The following EARS2 variants were observed in gnomAD, a reference collection of about 807,000 sequenced individuals.
The protein encoded by EARS2 is glutamyl-tRNA synthetase 2, mitochondrial.
Under a neutral mutation model 54.1 loss-of-function variants are expected in EARS2, and 50 were observed. The ratio of observed to expected loss-of-function variants is 0.92; its 90% CI spans 0.74 to 1.17. The LOEUF (loss-of-function observed/expected upper bound fraction) is 1.17, where lower values mean the gene tolerates loss of function less well. EARS2 is among the 50% of genes most tolerant of loss of function. The probability of loss-of-function intolerance (pLI) is 0.00; values close to 1 mark genes in which losing one functional copy is unlikely to be tolerated. For missense variants in EARS2, 673 were observed against 675.0 expected (o/e 1.00, Z 0.03); for synonymous variants, 298 against 281.0 (o/e 1.06, Z -0.61).
chr16:23,557,368 C>G (rs970957750), upstream of EARS2: 1 of 1,537,004 alleles, frequency 6.5e-7, no homozygotes, highest in Admixed American at 2.0e-5. Flanking sequence ...CACACGTGGG[C>G]TTCTCCCTGC....
At chr16:23,539,628 T>C (rs1158001596) in intron 3 of EARS2, among the ~76,000 whole-genome samples, 4 of 152,092 alleles carry the variant, frequency 2.6e-5, no homozygotes, top group Admixed American at 2.0e-4. Context: ...TAGACTAGGA[T>C]TTAATACAAA....
intron 3 of EARS2, among the ~76,000 whole-genome samples, chr16:23,542,048 G>A (rs1471961576): frequency 4.6e-5 from 7 of 151,992 alleles, no homozygotes; most frequent in African/African-American, 1.7e-4. Context: ...TGTAGAGATG[G>A]GGTTTCACCA....
Position 23,543,668 on chromosome 16 carries a change from G to A in EARS2, c.485+846C>T, listed in dbSNP as rs530802950. Among the ~76,000 whole-genome samples, 5 of 151,442 alleles carry A rather than the reference G, an allele frequency of 3.3e-5. No individual in the cohort carries two copies. The South Asian group carries it at 1.0e-3, about 32-fold the overall frequency. On this transcript the variant is annotated intron_variant, in intron 3 of 8. Coordinates refer to ENST00000449606, the MANE Select transcript of EARS2 (RefSeq NM_001083614.2). Reference sequence around the variant, plus strand: ...TAACTGCTTGAACCCAGGAGGCAGAGGTTGCAGTGAGCCAAGATTGCACCA... The same window carrying A: ...TAACTGCTTGAACCCAGGAGGCAGAAGTTGCAGTGAGCCAAGATTGCACCA...
chr16:23,550,001 G>A (rs1425499233), intron 2 of EARS2, among the ~76,000 whole-genome samples: 3 of 152,010 alleles, frequency 2.0e-5, no homozygotes, highest in Non-Finnish European at 2.9e-5. Flanking sequence ...GGCATCCCTC[G>A]CCCTAGTTTC....
chr16:23,554,290 G>C (rs1005427082), intron 1 of EARS2, among the ~76,000 whole-genome samples: 3 of 152,092 alleles, frequency 2.0e-5, no homozygotes, highest in African/African-American at 7.2e-5. Flanking sequence ...AAAGTGCTGG[G>C]ATTACTGGCA....
chr16:23,529,810 A>G lies in EARS2; in HGVS notation c.1155T>C (p.Gly385=). The G allele has an allele frequency of 6.2e-7, 1 of 1,614,080 alleles. No homozygotes were observed. The highest frequency in any genetic ancestry group is 8.5e-7 in the Non-Finnish European group (1 of 1,180,008). ...GGACATCCCTGTTTTGCAGCTGGCA[A>G]CCAAAGGCCTCCTCCACAAGGACCT... The part of the protein sequence containing the change: ...KLQVLVEEAF[G]CQLQNRDVLN... Residue 385 remains glycine, a synonymous_variant, in exon 6 of 9, where the codon GGT becomes GGC. Transcript: ENST00000449606.
chr16:23,542,472 C>A (rs893255333), intron 3 of EARS2, among the ~76,000 whole-genome samples: 44 of 150,518 alleles, frequency 2.9e-4, no homozygotes, highest in African/African-American at 1.0e-3. Flanking sequence ...CGCACCACCA[C>A]GCCCAGCTAA....
chr16:23,551,963 T>C (rs1965703243), intron 2 of EARS2, among the ~76,000 whole-genome samples, 186 bp downstream of exon 2: 1 of 152,090 alleles, frequency 6.6e-6, no homozygotes, highest in Non-Finnish European at 1.5e-5. Flanking sequence ...GTCTTGGAGC[T>C]GTGTTTCAGA....
chr16:23,545,333 C>T (rs1194161007), intron 2 of EARS2: 1 of 152,270 alleles, frequency 6.6e-6, no homozygotes, highest in East Asian at 1.9e-4. Context: ...GAACAGCTGA[C>T]TTAGGAGAAA....
At chr16:23,549,858 G>T (rs923150868) in intron 2 of EARS2, among the ~76,000 whole-genome samples, 1 of 152,172 alleles carries the variant, frequency 6.6e-6, no homozygotes, top group African/African-American at 2.4e-5. Flanking sequence ...CACTCCTGCT[G>T]TGGGGCCTCT....
intron 2 of EARS2, 46 bp from the exon 3 acceptor site, chr16:23,544,749 T>C (rs1324041781): frequency 6.7e-7 from 1 of 1,493,498 alleles, no homozygotes; most frequent in Non-Finnish European, 9.0e-7. Context: ...ACAGCGCTCG[T>C]TCTCAGGCAT....
rs777112446 is a variant in EARS2 at position 23,535,022 on chromosome 16, G to A, written c.824C>T (p.Pro275Leu). 2 of 1,612,206 alleles carry A rather than the reference G, an allele frequency of 1.2e-6. No homozygotes were observed. The highest frequency in any genetic ancestry group is 1.7e-6 in the Non-Finnish European group (2 of 1,179,404). ...GWQPPHFAHL[P>L]LLLNRDGSKL... ...GCTGCCATCCCTGTTGAGGAGCAGG[G>A]GCAGGTGGGCGAAGTGGGGTGGCTG... The change falls in exon 4 of 9, where the codon CCC becomes CTC. Residue 275 changes from proline to leucine, a missense_variant. By Grantham distance (98) the Pro-to-Leu change is moderately conservative. Coordinates refer to ENST00000449606, the MANE Select transcript of EARS2 (RefSeq NM_001083614.2).
Position 23,544,517 on chromosome 16 carries a change from G to A in EARS2, c.482C>T (p.Pro161Leu), listed in dbSNP as rs1336221988. The A allele has an allele frequency of 6.2e-7, 1 of 1,612,992 alleles. No individual in the cohort carries two copies. The highest frequency in any genetic ancestry group is 8.5e-7 in the Non-Finnish European group (1 of 1,179,294). The change falls in exon 3 of 9, where the codon CCC becomes CTC. Residue 161 changes from proline to leucine, a missense_variant. Pro to Leu is a moderately conservative substitution (Grantham distance 98). Transcript: ENST00000449606. ...TGCAACAAGCTGAGGTTCTTACCGGGGCGTCTGGTGGTTCCGCAAGGCCTC... is the reference window on the plus strand; with the variant it reads ...TGCAACAAGCTGAGGTTCTTACCGGAGCGTCTGGTGGTTCCGCAAGGCCTC... ...KKEALRNHQTPRYDNRCRNMS... is the reference protein window; with the variant it reads ...KKEALRNHQTLRYDNRCRNMS...
chr16:23,529,360 G>A (rs978448503), intron 7 of EARS2, 142 bp downstream of exon 7: 16 of 1,138,254 alleles, frequency 1.4e-5, no homozygotes, highest in Admixed American at 8.4e-5. Context: ...CCTCACCAGC[G>A]AAAGCCAGTG....
At chr16:23,536,823 C>T (rs531382921) in intron 3 of EARS2, among the ~76,000 whole-genome samples, 1 of 151,700 alleles carries the variant, frequency 6.6e-6, no homozygotes, top group Admixed American at 6.6e-5. Flanking sequence ...GCTAGGATTA[C>T]AGGTGCCTGC....
intron 3 of EARS2, among the ~76,000 whole-genome samples, chr16:23,541,999 T>C (rs548295001): frequency 7.2e-5 from 11 of 152,008 alleles, no homozygotes; most frequent in South Asian, 6.2e-4. Flanking sequence ...GCTGGGATTA[T>C]AGGCACCCGC....
Position 23,530,617 on chromosome 16 carries a change from C to T in EARS2, c.1068-720G>A, listed in dbSNP as rs866714931. On this transcript the variant is annotated intron_variant, in intron 5 of 8. Transcript: ENST00000449606. ...CCAGGTGCAGTGGCTCACTTAATCCCAGAACTTTAGGAGGCCAAGAAGGGA... is the reference window on the plus strand; with the variant it reads ...CCAGGTGCAGTGGCTCACTTAATCCTAGAACTTTAGGAGGCCAAGAAGGGA... 5.3e-5 allele frequency among the ~76,000 whole-genome samples: 8 copies of T among 152,166 alleles called. No homozygotes were observed. In the South Asian group the frequency reaches 6.2e-4, roughly 12 times the overall value.
Position 23,535,147 on chromosome 16 carries a change from C to T in EARS2, c.699G>A (p.Val233=), listed in dbSNP as rs751170482. 5.6e-6 allele frequency: 9 copies of T among 1,613,202 alleles called. No individual in the cohort carries two copies. In the African/African-American group the frequency reaches 1.1e-4, roughly 19 times the overall value. Residue 233 remains valine (V), a synonymous_variant, in exon 4 of 9, where the codon GTG becomes GTA. Coordinates refer to ENST00000449606, the MANE Select transcript of EARS2 (RefSeq NM_001083614.2). ...DGFPTYHLAC[V]VDDHHMGISH... ...TGATGCCCATGTGGTGGTCGTCCAC[C>T]ACGCAGGCCAGGTGGTATGTGGGGA...
At chr16:23,528,339 A>G (rs1002018982) in intron 7 of EARS2, among the ~76,000 whole-genome samples, 1 of 152,240 alleles carries the variant, frequency 6.6e-6, no homozygotes, top group Non-Finnish European at 1.5e-5. Flanking sequence ...CACTCTCCCC[A>G]ATGGCACTGC....
Sources: gnomAD v4.1 joint callset for allele counts (sites outside exome capture counted in the v4.1 genomes callset) on GRCh38, gnomAD v4.1.1 for gene constraint, MANE v1.5 for transcripts, NCBI Gene and HGNC (gene_info 2026-07-23, HGNC 2026-07-21) for gene names.